The following SPEN variants were observed in gnomAD, a reference collection of about 807,000 sequenced individuals.
SPEN encodes the protein msx2-interacting protein.
In SPEN, 18 loss-of-function variants were observed where a neutral mutation model predicts 269.9. That is an observed-to-expected ratio of 0.07 (90% CI 0.05 to 0.10). The LOEUF is 0.10. Ranked by LOEUF, SPEN falls within the 10% of genes least tolerant of loss-of-function variation. SPEN has a pLI of 1.00. For synonymous variants in SPEN, 1,726 were observed against 1,765.7 expected, an observed-to-expected ratio of 0.98 and a Z score of 0.56; for missense variants, 3,822 against 4,631.2, an observed-to-expected ratio of 0.83 and a Z score of 5.07.
At chr1:15,866,641 C>T (rs915760825) in intron 1 of SPEN, among the ~76,000 whole-genome samples, 2 of 152,182 alleles carry the variant, frequency 1.3e-5, no homozygotes, top group Non-Finnish European at 2.9e-5. Context: ...GCGTGAGCCA[C>T]CGCGCCCGGC....
Position 15,940,372 on chromosome 1 carries a change from T to C in SPEN, c.*945T>C, listed in dbSNP as rs1359576973. The C allele has an allele frequency of 3.4e-5, 8 of 232,772 alleles. No homozygotes were observed. Among genetic ancestry groups the C allele is most frequent in the East Asian group, 6.1e-5 (1 of 16,494 alleles). The allele number at this position is 232,772 out of a possible 1,614,324, so 14.4% of individuals were successfully genotyped here. A position where few individuals can be genotyped will look rare whatever the true frequency, so the allele number is the denominator to read the frequency against. ...TCTTCCCCCAACTTCCTAACACTTA[T>C]TAATTTATGAAACTGTTTTTCTCAG... On this transcript the variant is annotated 3_prime_UTR_variant, in exon 15 of 15. Transcript: ENST00000375759.
rs997127288 is a variant in SPEN, at chr1:15,847,787, C to G, written c.-281C>G. On this transcript the variant is annotated 5_prime_UTR_variant, in exon 1 of 15. Coordinates refer to ENST00000375759, the MANE Select transcript of SPEN (RefSeq NM_015001.3). ...TGTCCCGCTCGCCCCTCCTCCCGCT[C>G]CCCCGCCCGCCCCTGCCCGGGCGCA... 1 of 214,222 alleles carries G rather than the reference C, an allele frequency of 4.7e-6. No homozygotes were observed. Among genetic ancestry groups the G allele is most frequent in the African/African-American group, 2.3e-5 (1 of 43,608 alleles). 13.3% of individuals were successfully genotyped at this position (214,222 alleles called of 1,614,324 possible).
At position 15,933,723 on chromosome 1, in the gene SPEN, C is replaced by G. The variant is rs775819755; in HGVS notation, c.7483C>G (p.Pro2495Ala). ...ASGGIPHQSP[P>A]TKVTEWITRQ... ...TGGGGGGATCCCACACCAGAGCCCC[C>G]CTACTAAGGTGACAGAGTGGATCAC... Residue 2495 changes from proline to alanine, a missense_variant, in exon 11 of 15, where the codon CCT becomes GCT. Coordinates refer to ENST00000375759, the MANE Select transcript of SPEN (RefSeq NM_015001.3). The surrounding 1 kb of genome is among the most constrained non-coding windows in gnomAD (Gnocchi z 5.7). The G allele has an allele frequency of 1.2e-6, 2 of 1,614,162 alleles. No individual in the cohort carries two copies. The highest frequency in any genetic ancestry group is 2.2e-5 in the South Asian group (2 of 91,082).
In SPEN at chr1:15,931,492, C is replaced by T. The variant is rs1270620471; in HGVS notation, c.5252C>T (p.Pro1751Leu). The T allele has an allele frequency of 1.9e-6, 3 of 1,614,152 alleles. No homozygotes were observed. The highest frequency in any genetic ancestry group is 2.7e-5 in the African/African-American group (2 of 75,016). Residue 1751 changes from proline to leucine, a missense_variant, in exon 11 of 15, where the codon CCA becomes CTA. Physicochemically the swap from Pro to Leu is moderately conservative, Grantham distance 98. Around this residue, in one of 16 missense-constraint regions of SPEN, gnomAD observed 533 missense variants for 618.8 expected, o/e 0.86. Transcript: ENST00000375759. The surrounding 1 kb of genome is among the most constrained non-coding windows in gnomAD (Gnocchi z 4.8). ...TCCCAGGCAGAGAGCAACGTAGATC[C>T]AGAGCCTGACAGTACCCAGCCACTT... ...SFSQAESNVD[P>L]EPDSTQPLSK...
intron 3 of SPEN, among the ~76,000 whole-genome samples, chr1:15,892,052 G>A (rs1342526425): frequency 8.9e-6 from 1 of 112,066 alleles, no homozygotes; most frequent in Non-Finnish European, 1.7e-5. Context: ...ATGGAGTCTC[G>A]CTCTGTCGCC....
chr1:15,902,559 C>T (rs1031839254), intron 3 of SPEN, among the ~76,000 whole-genome samples: 2 of 152,168 alleles, frequency 1.3e-5, no homozygotes, highest in African/African-American at 2.4e-5. Context: ...CGCCTATAAT[C>T]TGCACTTTTG....
At chr1:15,936,838 A>G (rs1043921362) in intron 11 of SPEN, among the ~76,000 whole-genome samples, 1 of 152,248 alleles carries the variant, frequency 6.6e-6, no homozygotes, top group Admixed American at 6.5e-5. Context: ...CTGGTCAGCT[A>G]GTCCCTAAAG....
rs1421910510 is a variant in SPEN at position 15,937,110 on chromosome 1, G to A, written c.10027-53G>A. On this transcript the variant is annotated intron_variant, in intron 11 of 14. Coordinates refer to ENST00000375759, the MANE Select transcript of SPEN (RefSeq NM_015001.3). The surrounding 1 kb of genome is among the most constrained non-coding windows in gnomAD (Gnocchi z 5.7). ...CTTTGGGTCATTTGTTGGTCTCAGG[G>A]GCTTGTGCACAACAGACTGACTCTG... The A allele has an allele frequency of 5.1e-6, 8 of 1,564,108 alleles. No homozygotes were observed. Among genetic ancestry groups the A allele is most frequent in the Non-Finnish European group, 6.9e-6 (8 of 1,152,042 alleles).
intron 3 of SPEN, among the ~76,000 whole-genome samples, chr1:15,896,422 C>T (rs1267703119): frequency 1.3e-5 from 2 of 151,978 alleles, no homozygotes; most frequent in African/African-American, 4.8e-5. Context: ...TCTCAAACTC[C>T]TGACCTCAGG....
chr1:15,936,015 C>T lies in SPEN; in HGVS notation c.9775C>T (p.Pro3259Ser), dbSNP rs551660149. The change falls in exon 11 of 15, where the codon CCT becomes TCT. Residue 3259 changes from proline (P) to serine (S), a missense_variant. Pro to Ser is a moderately conservative substitution (Grantham distance 74). Coordinates refer to ENST00000375759, the MANE Select transcript of SPEN (RefSeq NM_015001.3). The part of the protein sequence containing the change: ...PVPVPVPLPA[P>S]APAPHGEARI... Reference sequence around the variant, plus strand: ...CCCTGTCCCTGTCCCCCTTCCTGCCCCTGCTCCTGCCCCTCATGGTGAGGC... The same window carrying T: ...CCCTGTCCCTGTCCCCCTTCCTGCCTCTGCTCCTGCCCCTCATGGTGAGGC... The T allele has an allele frequency of 5.0e-6, 8 of 1,591,574 alleles. 1 individual carries two copies. The Admixed American group carries it at 1.0e-4, about 20-fold the overall frequency.
At position 15,930,427 on chromosome 1, in the gene SPEN, C is replaced by G. The variant is rs747781851; in HGVS notation, c.4187C>G (p.Ser1396Cys). 4.0e-5 allele frequency: 65 copies of G among 1,614,040 alleles called. No individual in the cohort carries two copies. Among genetic ancestry groups the G allele is most frequent in the Non-Finnish European group, 5.3e-5 (63 of 1,180,024 alleles). ...CACAAATCCCACTCACCCAGAGCCT[C>G]TGCATTATATGAAAGTTCTCGATTG... ...GEHKSHSPRA[S>C]ALYESSRLSF... The change falls in exon 11 of 15, where the codon TCT (serine) becomes TGT (cysteine). Residue 1396 changes from serine (S) to cysteine (C), a missense_variant. Around this residue, in one of 16 missense-constraint regions of SPEN, gnomAD observed 267 missense variants for 315.5 expected, o/e 0.85. Transcript: ENST00000375759. This position sits in a 1 kb window ranked among gnomAD's most constrained non-coding sequence, Gnocchi z 5.3.
chr1:15,933,464 A>G lies in SPEN; in HGVS notation c.7224A>G (p.Thr2408=). 1 of 1,614,160 alleles carries G rather than the reference A, an allele frequency of 6.2e-7. No homozygotes were observed. The highest frequency in any genetic ancestry group is 8.5e-7 in the Non-Finnish European group (1 of 1,180,018). Reference sequence around the variant, plus strand: ...CTGACCTAAGCAAGATTCCCTCCACAGAGAATTCGTCCCAAGAAATCAGTG... The same window carrying G: ...CTGACCTAAGCAAGATTCCCTCCACGGAGAATTCGTCCCAAGAAATCAGTG... ...CTSDLSKIPS[T]ENSSQEISVE... The change falls in exon 11 of 15, where the codon ACA becomes ACG. Residue 2408 remains threonine, a synonymous_variant. Coordinates refer to ENST00000375759, the MANE Select transcript of SPEN (RefSeq NM_015001.3). The surrounding 1 kb of genome is among the most constrained non-coding windows in gnomAD (Gnocchi z 5.7).
rs752574502 is a variant in SPEN, at chr1:15,928,753, C to T, written c.2513C>T (p.Thr838Met). 2.0e-5 allele frequency: 33 copies of T among 1,613,838 alleles called. No homozygotes were observed. The highest frequency in any genetic ancestry group is 1.0e-4 in the Admixed American group (6 of 59,976). ...TCCCCTAGTTCTCAGTCTTCAGAAA[C>T]GGACCAAGAAAATGAGCGAGAGCAA... The part of the protein sequence containing the change: ...VHSPSSQSSE[T>M]DQENEREQSP... The change falls in exon 11 of 15, where the codon ACG becomes ATG. Residue 838 changes from threonine to methionine, a missense_variant. Coordinates refer to ENST00000375759, the MANE Select transcript of SPEN (RefSeq NM_015001.3). The surrounding 1 kb of genome is among the most constrained non-coding windows in gnomAD (Gnocchi z 5.7).
At chr1:15,863,373 C>T (rs2070466684) in intron 1 of SPEN, among the ~76,000 whole-genome samples, 1 of 152,072 alleles carries the variant, frequency 6.6e-6, no homozygotes, top group East Asian at 1.9e-4. Flanking sequence ...GAAACAGATG[C>T]CTTTTCCCAG....
At position 15,935,017 on chromosome 1, in the gene SPEN, G is replaced by A; in HGVS notation, c.8777G>A (p.Gly2926Glu). 2 of 1,613,668 alleles carry A rather than the reference G, an allele frequency of 1.2e-6. No homozygotes were observed. Among genetic ancestry groups the A allele is most frequent in the Non-Finnish European group, 1.7e-6 (2 of 1,179,888 alleles). ...TCGGTGTCCACGCCTGTCACCCAGG[G>A]AGGCACAGTGAAGGTTCTCACCCAG... Reference protein sequence around the residue: ...HLSVSTPVTQGGTVKVLTQGI... With the variant: ...HLSVSTPVTQEGTVKVLTQGI... The change falls in exon 11 of 15, where the codon GGA becomes GAA. Residue 2926 changes from glycine (G) to glutamate (E), a missense_variant. Gly to Glu is a moderately conservative substitution (Grantham distance 98). This residue lies in a region of SPEN where 20 missense variants were observed against 60.7 expected (regional missense o/e 0.33). Transcript: ENST00000375759. This position sits in a 1 kb window ranked among gnomAD's most constrained non-coding sequence, Gnocchi z 7.7.
Position 15,935,970 on chromosome 1 carries a change from AC to A in SPEN, c.9735del (p.Thr3246ProfsTer38). On this transcript the variant is annotated frameshift_variant, in exon 11 of 15. Transcript: ENST00000375759. LOFTEE classifies it high-confidence loss of function. The surrounding 1 kb of genome is among the most constrained non-coding windows in gnomAD (Gnocchi z 7.7). ...AKTPDAKAAP[T>X]PTPAPVPVPV... ...GACACCAGATGCCAAAGCTGCCCCCACCCCCACCCCTGCCCCCGTCCCTGTC... is the reference window on the plus strand; with the variant it reads ...GACACCAGATGCCAAAGCTGCCCCCACCCCACCCCTGCCCCCGTCCCTGTC... The A allele has an allele frequency of 1.3e-6, 1 of 745,812 alleles. No individual in the cohort carries two copies. The allele number at this position is 745,812 out of a possible 1,614,324, so 46.2% of individuals were successfully genotyped here.
chr1:15,919,340 A>T (rs2071095013), intron 7 of SPEN, 64 bp from the exon 8 acceptor site: 1 of 1,068,602 alleles, frequency 9.4e-7, no homozygotes, highest in Admixed American at 2.5e-5. Flanking sequence ...TTTTCTGAGA[A>T]TTCTGTTGTA....
rs370305920 is a variant in SPEN, at chr1:15,931,015, G to T, written c.4775G>T (p.Arg1592Leu). 5 of 1,613,694 alleles carry T rather than the reference G, an allele frequency of 3.1e-6. No homozygotes were observed. The highest frequency in any genetic ancestry group is 4.2e-6 in the Non-Finnish European group (5 of 1,179,982). The change falls in exon 11 of 15, where the codon CGG becomes CTG. Residue 1592 changes from arginine (R) to leucine (L), a missense_variant. This residue lies in a region of SPEN where 533 missense variants were observed against 618.8 expected (regional missense o/e 0.86). Coordinates refer to ENST00000375759, the MANE Select transcript of SPEN (RefSeq NM_015001.3). This position sits in a 1 kb window ranked among gnomAD's most constrained non-coding sequence, Gnocchi z 4.8. ...CATAGCAGATTTATGGAGCTCACACGGATGCAACAGAAAGAAAAAGAAAAA... is the reference window on the plus strand; with the variant it reads ...CATAGCAGATTTATGGAGCTCACACTGATGCAACAGAAAGAAAAAGAAAAA... The part of the protein sequence containing the change: ...LFHSRFMELT[R>L]MQQKEKEKDQ...
rs1404189426 is a variant in SPEN, at chr1:15,903,576, C to A, written c.882-5745C>A. ...TTTTTTGTAGAGATGGGGTTTTGTC[C>A]TGTTGCGCAGGCTGGTCTCAAACTC... is the stretch of plus-strand genomic sequence containing the variant. On this transcript the variant is annotated intron_variant, in intron 3 of 14. Transcript: ENST00000375759. Among the ~76,000 whole-genome samples, 3 of 152,084 alleles carry A rather than the reference C, an allele frequency of 2.0e-5. No homozygotes were observed. In the East Asian group the frequency reaches 5.8e-4, roughly 29 times the overall value.
Sources: gnomAD v4.1 joint callset for allele counts (sites outside exome capture counted in the v4.1 genomes callset) on GRCh38, gnomAD v4.1.1 for gene constraint, gnomAD v4.1.1 regional missense constraint, Gnocchi (gnomAD v3.1) non-coding constraint, MANE v1.5 for transcripts, NCBI Gene and HGNC (gene_info 2026-07-23, HGNC 2026-07-21) for gene names.